The following LAMA2 variants were observed in gnomAD, a reference collection of about 807,000 sequenced individuals.
LAMA2 encodes laminin subunit alpha 2.
In LAMA2, 269 loss-of-function variants were observed where a neutral mutation model predicts 364.8. The ratio of observed to expected loss-of-function variants is 0.74; its 90% CI spans 0.67 to 0.82. The LOEUF (loss-of-function observed/expected upper bound fraction) is 0.82, where lower values mean the gene tolerates loss of function less well. LAMA2 is among the 40% of genes least tolerant of loss of function. The pLI is 0.00. For synonymous variants in LAMA2, 1,379 were observed against 1,370.6 expected, an observed-to-expected ratio of 1.01 and a Z score of -0.14; for missense variants, 3,807 against 3,873.2, an observed-to-expected ratio of 0.98 and a Z score of 0.45.
intron 12 of LAMA2, among the ~76,000 whole-genome samples, chr6:129,195,951 A>G (rs1781816453): frequency 6.6e-6 from 1 of 152,204 alleles, no homozygotes; most frequent in Non-Finnish European, 1.5e-5. Flanking sequence ...AGCTTCCAAA[A>G]GCAATTCTCT....
At chr6:128,927,542 G>A (rs1050463834) in intron 1 of LAMA2, among the ~76,000 whole-genome samples, 1 of 151,892 alleles carries the variant, frequency 6.6e-6, no homozygotes, top group East Asian at 1.9e-4. Flanking sequence ...ACAACTTAAC[G>A]TGGCTTAAAC....
At position 129,288,058 on chromosome 6, in the gene LAMA2, C is replaced by A. The variant is rs765699885; in HGVS notation, c.2749C>A (p.Pro917Thr). The A allele has an allele frequency of 6.2e-7, 1 of 1,612,682 alleles. No homozygotes were observed. Among genetic ancestry groups the A allele is most frequent in the South Asian group, 1.1e-5 (1 of 91,030 alleles). The change falls in exon 19 of 65, where the codon CCC (proline) becomes ACC (threonine). Residue 917 changes from proline to threonine, a missense_variant and splice_region_variant. Transcript: ENST00000421865. ...TGCAGTTGATGCGAAGAACTGTCAG[C>A]GTAAGTCCTGAACTATTGATGCCCC... ...GDAVDAKNCQ[P>T]CRCNAGGSFS...
At chr6:129,180,012 ACAATT>A (rs2115019277) in intron 10 of LAMA2, among the ~76,000 whole-genome samples, 1 of 152,102 alleles carries the variant, frequency 6.6e-6, no homozygotes, top group African/African-American at 2.4e-5. Flanking sequence ...AAATATGCAT[ACAATT>A]TAAATACTGA....
At chr6:129,339,331 A>G (rs1374657420) in intron 29 of LAMA2, among the ~76,000 whole-genome samples, 3 of 152,218 alleles carry the variant, frequency 2.0e-5, no homozygotes, top group African/African-American at 7.2e-5. Flanking sequence ...TGAGTGAATG[A>G]CAGTGACCTC....
chr6:129,401,232 G>A lies in LAMA2; in HGVS notation c.5454G>A (p.Lys1818=), dbSNP rs759312395. 9.9e-5 allele frequency: 158 copies of A among 1,588,528 alleles called. No individual in the cohort carries two copies. Among genetic ancestry groups the A allele is most frequent in the Non-Finnish European group, 1.3e-4 (154 of 1,157,398 alleles). ...TTCATAATGGTCTACAGAAAAAGAA[G>A]GAGGCTGTTGAAAGCGGCAAACGAC... The part of the protein sequence containing the change: ...QKNMTALEKK[K]EAVESGKRQI... Residue 1818 remains lysine (K), a synonymous_variant, in exon 38 of 65, where the codon AAG becomes AAA. Coordinates refer to ENST00000421865, the MANE Select transcript of LAMA2 (RefSeq NM_000426.4).
intron 14 of LAMA2, among the ~76,000 whole-genome samples, chr6:129,253,059 C>T (rs1786378494): frequency 6.6e-6 from 1 of 152,178 alleles, no homozygotes; most frequent in South Asian, 2.1e-4. Context: ...AAAGAGTGAA[C>T]TACCTGACTT....
chr6:128,985,542 A>C (rs189911085), intron 1 of LAMA2, among the ~76,000 whole-genome samples: 19 of 152,316 alleles, frequency 1.2e-4, no homozygotes, highest in Admixed American at 9.8e-4. Flanking sequence ...CCTGCTTAAA[A>C]ATCTGACATT....
In LAMA2 at chr6:128,989,531, T is replaced by C. The variant is rs529876593; in HGVS notation, c.113-60387T>C. Among the ~76,000 whole-genome samples, 148 of 152,292 alleles carry C rather than the reference T, an allele frequency of 9.7e-4. No homozygotes were observed. In the Middle Eastern group the frequency reaches 0.01, roughly 11 times the overall value. On this transcript the variant is annotated intron_variant, in intron 1 of 64. Coordinates refer to ENST00000421865, the MANE Select transcript of LAMA2 (RefSeq NM_000426.4). ...TCCTTTCAGTACCTTGGGCTCCCCA[T>C]CTATTAAGTGGAGATCATTAAAATC... is the stretch of plus-strand genomic sequence containing the variant.
rs1039937680 is a variant in LAMA2, at chr6:128,912,354, C to T, written c.112+28997C>T. ...TTTTCTCACTACTTCTTCCTTTCTC[C>T]CTCTTTTTACACAATTAAAAAACTA... On this transcript the variant is annotated intron_variant, in intron 1 of 64. Transcript: ENST00000421865. Among the ~76,000 whole-genome samples the T allele has an allele frequency of 3.3e-5, 5 of 152,108 alleles. No individual in the cohort carries two copies. The East Asian group carries it at 5.8e-4, about 18-fold the overall frequency.
intron 2 of LAMA2, among the ~76,000 whole-genome samples, chr6:129,052,138 T>A (rs1359458268): frequency 6.8e-6 from 1 of 146,200 alleles, no homozygotes; most frequent in Admixed American, 6.8e-5. Flanking sequence ...TCTTCTCCTT[T>A]TTTTTTTTTT....
intron 4 of LAMA2, among the ~76,000 whole-genome samples, chr6:129,115,366 G>T (rs544691169): frequency 6.6e-6 from 1 of 152,072 alleles, no homozygotes; most frequent in Admixed American, 6.6e-5. Flanking sequence ...TTTGCCTCGG[G>T]TATTCTGGAT....
intron 2 of LAMA2, among the ~76,000 whole-genome samples, chr6:129,053,302 T>G (rs1050668140): frequency 3.3e-5 from 5 of 152,122 alleles, no homozygotes; most frequent in Admixed American, 6.5e-5. Context: ...AGACCTCAGT[T>G]GATCCAACTG....
chr6:129,279,579 C>T (rs1234417734), intron 17 of LAMA2, among the ~76,000 whole-genome samples: 1 of 152,138 alleles, frequency 6.6e-6, no homozygotes, highest in African/African-American at 2.4e-5. Flanking sequence ...CATGCCGCAG[C>T]CTGCACACAG....
chr6:129,460,749 G>A (rs1583805738), intron 49 of LAMA2, among the ~76,000 whole-genome samples: 1 of 151,634 alleles, frequency 6.6e-6, no homozygotes, highest in Non-Finnish European at 1.5e-5. Flanking sequence ...CTATATTTAT[G>A]TTTATAACAA....
chr6:129,457,424 G>A (rs1783026750), intron 48 of LAMA2, among the ~76,000 whole-genome samples: 1 of 151,972 alleles, frequency 6.6e-6, no homozygotes, highest in Admixed American at 6.6e-5. Flanking sequence ...TAGTACAAAA[G>A]CCATGAATTT....
At chr6:129,309,947 T>A (rs1181673008) in intron 22 of LAMA2, among the ~76,000 whole-genome samples, 1 of 148,012 alleles carries the variant, frequency 6.8e-6, no homozygotes, top group Non-Finnish European at 1.5e-5. Flanking sequence ...TCACCCAGGC[T>A]GGAGTGCAGT....
At chr6:128,923,066 A>AT (rs1778842654) in intron 1 of LAMA2, among the ~76,000 whole-genome samples, 1 of 147,266 alleles carries the variant, frequency 6.8e-6, no homozygotes, top group African/African-American at 2.5e-5. Context: ...CCATTGATCT[A>AT]TATCTCTGTT....
intron 35 of LAMA2, among the ~76,000 whole-genome samples, chr6:129,386,125 T>C (rs548897626): frequency 6.6e-6 from 1 of 152,206 alleles, no homozygotes; most frequent in Non-Finnish European, 1.5e-5. Flanking sequence ...TTATCTGATA[T>C]TAGGATTTTT....
chr6:129,405,672 G>T (rs1038760458), intron 40 of LAMA2, among the ~76,000 whole-genome samples: 34 of 152,146 alleles, frequency 2.2e-4, no homozygotes, highest in Admixed American at 1.9e-3. Flanking sequence ...AAATTTTGTT[G>T]GAATGTTTTT....
Sources: gnomAD v4.1 joint callset for allele counts (sites outside exome capture counted in the v4.1 genomes callset) on GRCh38, gnomAD v4.1.1 for gene constraint, MANE v1.5 for transcripts, NCBI Gene and HGNC (gene_info 2026-07-23, HGNC 2026-07-21) for gene names.